Variants in HS3ST2 observed in about 807,000 individuals in gnomAD.
HS3ST2 encodes heparan sulfate glucosamine 3-O-sulfotransferase 2.
Under a neutral mutation model 26.3 loss-of-function variants are expected in HS3ST2, and 17 were observed. The ratio of observed to expected loss-of-function variants is 0.65; its 90% CI spans 0.44 to 0.97. The LOEUF is 0.97. Among genes scored for constraint, HS3ST2 ranks in the 50% least tolerant of loss-of-function variants. The pLI, the probability that HS3ST2 is intolerant of heterozygous loss-of-function variation, is 0.00. For synonymous variants in HS3ST2, 237 were observed against 219.2 expected, an observed-to-expected ratio of 1.08 and a Z score of -0.72; for missense variants, 402 against 501.2, an observed-to-expected ratio of 0.80 and a Z score of 1.89.
chr16:22,880,026 T>C (rs1219201011), intron 1 of HS3ST2, among the ~76,000 whole-genome samples: 2 of 152,208 alleles, frequency 1.3e-5, no homozygotes, highest in African/African-American at 2.4e-5. Context: ...TCTGGGACTA[T>C]TGAAGAACAT....
chr16:22,842,283 G>A (rs1031206351), intron 1 of HS3ST2, among the ~76,000 whole-genome samples: 7 of 151,750 alleles, frequency 4.6e-5, no homozygotes, highest in African/African-American at 1.7e-4. Flanking sequence ...AGCTCGTCTC[G>A]AACTCCTGAC....
intron 1 of HS3ST2, chr16:22,854,545 C>A (rs1901563350): frequency 6.6e-6 from 1 of 151,890 alleles, no homozygotes; most frequent in East Asian, 1.9e-4. Context: ...TCCCTCTATC[C>A]TTTTCCTCTG....
intron 1 of HS3ST2, among the ~76,000 whole-genome samples, chr16:22,912,641 C>T (rs943786962): frequency 6.6e-6 from 1 of 152,188 alleles, no homozygotes; most frequent in African/African-American, 2.4e-5. Flanking sequence ...GTTGTATAGG[C>T]AGTGTATCCA....
intron 1 of HS3ST2, among the ~76,000 whole-genome samples, chr16:22,854,291 T>C (rs1901559702): frequency 6.6e-6 from 1 of 152,208 alleles, no homozygotes; most frequent in African/African-American, 2.4e-5. Context: ...TGAGTATTTA[T>C]AGAGTTCTTT....
At chr16:22,847,025 A>G (rs1486371911) in intron 1 of HS3ST2, among the ~76,000 whole-genome samples, 2 of 152,118 alleles carry the variant, frequency 1.3e-5, no homozygotes, top group African/African-American at 2.4e-5. Context: ...CAGGTTTGTT[A>G]TGTAGGTAAA....
Position 22,855,978 on chromosome 16 carries a change from C to T in HS3ST2, c.485+40883C>T, listed in dbSNP as rs77565123. ...ATGGCTCATATACTCACTTCTTGAG[C>T]AGAGATTTGGATCTGCCCCACTCAA... On this transcript the variant is annotated intron_variant, in intron 1 of 1. Transcript: ENST00000261374. Among the ~76,000 whole-genome samples, 398 of 152,244 alleles carry T rather than the reference C, an allele frequency of 2.6e-3. 7 individuals carry two copies. The East Asian group carries it at 0.035, about 14-fold the overall frequency.
At chr16:22,841,901 T>C (rs1901363186) in intron 1 of HS3ST2, among the ~76,000 whole-genome samples, 1 of 152,164 alleles carries the variant, frequency 6.6e-6, no homozygotes, top group Non-Finnish European at 1.5e-5. Flanking sequence ...GTGATTATTC[T>C]CTTATAGACC....
At chr16:22,816,657 G>C (rs1382927979) in intron 1 of HS3ST2, among the ~76,000 whole-genome samples, 2 of 152,196 alleles carry the variant, frequency 1.3e-5, no homozygotes, top group Non-Finnish European at 2.9e-5. Context: ...AGCCCACTGT[G>C]CTTTCCAAGC....
At chr16:22,836,384 C>T (rs1901254641) in intron 1 of HS3ST2, among the ~76,000 whole-genome samples, 1 of 152,162 alleles carries the variant, frequency 6.6e-6, no homozygotes, top group Admixed American at 6.6e-5. Context: ...GCTTCTGCTT[C>T]TGGGAGGCCT....
intron 1 of HS3ST2, among the ~76,000 whole-genome samples, chr16:22,845,227 G>C (rs1034553002): frequency 6.8e-6 from 1 of 148,066 alleles, no homozygotes; most frequent in South Asian, 2.1e-4. Context: ...ACTAATATAG[G>C]GGGCAGTACA....
At chr16:22,871,533 C>T (rs1211405362) in intron 1 of HS3ST2, among the ~76,000 whole-genome samples, 1 of 152,130 alleles carries the variant, frequency 6.6e-6, no homozygotes, top group African/African-American at 2.4e-5. Context: ...GTGGATTTAG[C>T]AGGATGTAAC....
intron 1 of HS3ST2, among the ~76,000 whole-genome samples, chr16:22,827,264 A>G (rs928115731): frequency 2.6e-5 from 4 of 152,168 alleles, no homozygotes; most frequent in Admixed American, 2.0e-4. Context: ...GGGATGGGAA[A>G]TAAACCTGGA....
At chr16:22,815,390 C>T (rs542816764) in intron 1 of HS3ST2, among the ~76,000 whole-genome samples, 2 of 152,170 alleles carry the variant, frequency 1.3e-5, no homozygotes, top group Non-Finnish European at 2.9e-5. Context: ...CTGTGACCAG[C>T]CCTTAGGGTG....
chr16:22,885,715 C>G, intron 1 of HS3ST2, among the ~76,000 whole-genome samples: 1 of 152,180 alleles, frequency 6.6e-6, no homozygotes, highest in Non-Finnish European at 1.5e-5. Context: ...CTCGGCCTCC[C>G]AAAGTGCTGG....
chr16:22,855,663 G>A (rs1901581201), intron 1 of HS3ST2, among the ~76,000 whole-genome samples: 1 of 144,628 alleles, frequency 6.9e-6, no homozygotes, highest in African/African-American at 2.6e-5. Flanking sequence ...CAATGCATCA[G>A]TTCTTTCTCT....
At chr16:22,869,037 C>G (rs1319806445) in intron 1 of HS3ST2, among the ~76,000 whole-genome samples, 1 of 151,662 alleles carries the variant, frequency 6.6e-6, no homozygotes, top group South Asian at 2.1e-4. Flanking sequence ...GCAGTGGGAC[C>G]TACAATGAAA....
At chr16:22,864,074 AC>A (rs1449542082) in intron 1 of HS3ST2, among the ~76,000 whole-genome samples, 2 of 152,052 alleles carry the variant, frequency 1.3e-5, no homozygotes, top group African/African-American at 4.8e-5. Flanking sequence ...ATGTAAACTC[AC>A]CCACCCTGGA....
At chr16:22,888,677 G>A (rs1302487011) in intron 1 of HS3ST2, among the ~76,000 whole-genome samples, 3 of 151,888 alleles carry the variant, frequency 2.0e-5, no homozygotes, top group South Asian at 2.1e-4. Flanking sequence ...GTGCCACCGC[G>A]CCTGGCTCCG....
chr16:22,816,828 A>G (rs1183462512), intron 1 of HS3ST2, among the ~76,000 whole-genome samples: 2 of 152,230 alleles, frequency 1.3e-5, no homozygotes, highest in Non-Finnish European at 2.9e-5. Context: ...TCTGAAGATC[A>G]TTATGACACC....
Sources: allele counts gnomAD v4.1 joint callset (sites outside exome capture counted in the v4.1 genomes callset), GRCh38; gene constraint gnomAD v4.1.1; transcripts MANE v1.5; gene names NCBI Gene and HGNC (gene_info 2026-07-23, HGNC 2026-07-21).